Variants in LRRTM4 observed in about 807,000 individuals in gnomAD.
LRRTM4 encodes leucine-rich repeat transmembrane neuronal protein 4.
LRRTM4 carries 25 observed loss-of-function variants against 47.6 expected under a neutral mutation model. The observed-to-expected ratio is 0.53, with a 90% CI of 0.38 to 0.73. The LOEUF is 0.73. Among genes scored for constraint, LRRTM4 ranks in the 30% least tolerant of loss-of-function variants. The pLI is 0.00. For synonymous variants in LRRTM4, 311 were observed against 269.5 expected, an observed-to-expected ratio of 1.15 and a Z score of -1.51; for missense variants, 638 against 713.4, an observed-to-expected ratio of 0.89 and a Z score of 1.20.
intron 3 of LRRTM4, among the ~76,000 whole-genome samples, chr2:76,848,141 G>T (rs1671891108): frequency 6.6e-6 from 1 of 152,032 alleles, no homozygotes; most frequent in Non-Finnish European, 1.5e-5. Context: ...GAGTGAAGGG[G>T]TAGAAAACAA....
intron 3 of LRRTM4, among the ~76,000 whole-genome samples, chr2:77,328,919 G>T (rs567579609): frequency 1.0e-3 from 158 of 152,274 alleles, no homozygotes; most frequent in Non-Finnish European, 1.7e-3. Flanking sequence ...GGCAGTAATA[G>T]GCTGAATGGT....
chr2:76,752,723 T>C (rs1672894778), intron 3 of LRRTM4, among the ~76,000 whole-genome samples: 1 of 152,204 alleles, frequency 6.6e-6, no homozygotes, highest in East Asian at 1.9e-4. Context: ...ACAGTAATAG[T>C]GTACAGTACA....
Position 77,088,550 on chromosome 2 carries a change from C to T in LRRTM4, c.1552-339634G>A, listed in dbSNP as rs533226225. ...TACCTACCCAAATCCTATAAAACGG[C>T]CCCACCCCTATCTCCATTCGCTGAC... On this transcript the variant is annotated intron_variant, in intron 3 of 3. Transcript: ENST00000409884. 2.1e-3 allele frequency among the ~76,000 whole-genome samples: 320 copies of T among 151,498 alleles called. 4 individuals are homozygous for T. Among genetic ancestry groups the T allele is most frequent in the African/African-American group, 6.6e-3 (273 of 41,174 alleles).
rs527556354 is a variant in LRRTM4 at position 77,214,024 on chromosome 2, A to T, written c.1551+304294T>A. 2.0e-5 allele frequency among the ~76,000 whole-genome samples: 3 copies of T among 152,314 alleles called. No individual in the cohort carries two copies. In the East Asian group the frequency reaches 5.8e-4, roughly 29 times the overall value. On this transcript the variant is annotated intron_variant, in intron 3 of 3. Transcript: ENST00000409884. ...GAAGAAACTGAAATATTAGGGACTC[A>T]CAGTTCTCCTGTGGAATGATCAAGG...
At chr2:77,110,740 TA>T (rs1413550936) in intron 3 of LRRTM4, among the ~76,000 whole-genome samples, 2 of 152,154 alleles carry the variant, frequency 1.3e-5, no homozygotes, top group South Asian at 2.1e-4. Flanking sequence ...AAAGCATAGA[TA>T]GGTGTCTAAG....
chr2:76,784,046 A>ATT (rs1227185470), intron 3 of LRRTM4, among the ~76,000 whole-genome samples: 1 of 152,140 alleles, frequency 6.6e-6, no homozygotes, highest in Admixed American at 6.6e-5. Context: ...AACATAAATA[A>ATT]TTATTTTTGG....
At chr2:77,145,610 T>C (rs1021747780) in intron 3 of LRRTM4, among the ~76,000 whole-genome samples, 3 of 144,458 alleles carry the variant, frequency 2.1e-5, no homozygotes, top group Non-Finnish European at 4.5e-5. Flanking sequence ...CTACTAAAAA[T>C]ACAAAAAAAA....
At chr2:77,420,478 T>C (rs958766098) in intron 3 of LRRTM4, among the ~76,000 whole-genome samples, 1 of 151,990 alleles carries the variant, frequency 6.6e-6, no homozygotes, top group Non-Finnish European at 1.5e-5. Flanking sequence ...ACCACAAGTA[T>C]AAAACAAATG....
At chr2:77,206,030 C>T (rs1674115474) in intron 3 of LRRTM4, among the ~76,000 whole-genome samples, 1 of 151,918 alleles carries the variant, frequency 6.6e-6, no homozygotes, top group East Asian at 1.9e-4. Context: ...TTTGTAGAGG[C>T]AGGGTATCAC....
chr2:76,942,683 T>A (rs1675190841), intron 3 of LRRTM4, among the ~76,000 whole-genome samples: 1 of 151,444 alleles, frequency 6.6e-6, no homozygotes, highest in South Asian at 2.1e-4. Context: ...AATCTGTGTG[T>A]GTGTGTGTGT....
chr2:76,937,661 C>T lies in LRRTM4; in HGVS notation c.1552-188745G>A, dbSNP rs367873221. 9.6e-4 allele frequency among the ~76,000 whole-genome samples: 146 copies of T among 152,250 alleles called. 1 individual carries two copies. The South Asian group carries it at 0.028, about 29-fold the overall frequency. On this transcript the variant is annotated intron_variant, in intron 3 of 3. Transcript: ENST00000409884. ...CCGACTCACTGCAACCTCCGCCTCCCGTGGGCAAGCGATTCCCCTGCCTCA... is the reference window on the plus strand; with the variant it reads ...CCGACTCACTGCAACCTCCGCCTCCTGTGGGCAAGCGATTCCCCTGCCTCA...
chr2:77,197,748 G>A (rs1019200870), intron 3 of LRRTM4, among the ~76,000 whole-genome samples: 4 of 152,024 alleles, frequency 2.6e-5, no homozygotes, highest in East Asian at 1.9e-4. Context: ...ATCTTATGCC[G>A]TACCCTACTC....
chr2:77,244,346 A>G (rs1385234658), intron 3 of LRRTM4, among the ~76,000 whole-genome samples: 3 of 151,652 alleles, frequency 2.0e-5, no homozygotes, highest in African/African-American at 7.3e-5. Context: ...GAATCGCCAC[A>G]CTGACTTCCA....
At chr2:77,150,793 A>G (rs540996529) in intron 3 of LRRTM4, among the ~76,000 whole-genome samples, 1 of 152,282 alleles carries the variant, frequency 6.6e-6, no homozygotes, top group South Asian at 2.1e-4. Context: ...AATTAAAATA[A>G]TATTGCTAAT....
chr2:77,284,903 T>C (rs1676607659), intron 3 of LRRTM4, among the ~76,000 whole-genome samples: 1 of 151,982 alleles, frequency 6.6e-6, no homozygotes, highest in South Asian at 2.1e-4. Flanking sequence ...CTTAATATAC[T>C]CATCAAAGCC....
At chr2:77,248,703 G>C (rs1362173141) in intron 3 of LRRTM4, among the ~76,000 whole-genome samples, 3 of 151,964 alleles carry the variant, frequency 2.0e-5, no homozygotes, top group Admixed American at 1.3e-4. Flanking sequence ...TCGATAAATA[G>C]ACCAATGAAA....
chr2:76,860,147 A>G (rs1156454271), intron 3 of LRRTM4, among the ~76,000 whole-genome samples: 1 of 152,174 alleles, frequency 6.6e-6, no homozygotes, highest in Non-Finnish European at 1.5e-5. Context: ...AACATACAAT[A>G]TATTCTAATG....
At chr2:77,298,306 G>A (rs985436313) in intron 3 of LRRTM4, among the ~76,000 whole-genome samples, 2 of 152,058 alleles carry the variant, frequency 1.3e-5, no homozygotes, top group Admixed American at 6.5e-5. Context: ...GCACGATCTC[G>A]GCTCACTGCA....
chr2:76,994,331 AAATAC>A (rs1425432252), intron 3 of LRRTM4, among the ~76,000 whole-genome samples: 1 of 151,986 alleles, frequency 6.6e-6, no homozygotes, highest in African/African-American at 2.4e-5. Context: ...ATAAAATAAT[AAATAC>A]AATGATGGTG....
Sources: gnomAD v4.1 joint callset for allele counts (sites outside exome capture counted in the v4.1 genomes callset) on GRCh38, gnomAD v4.1.1 for gene constraint, MANE v1.5 for transcripts, NCBI Gene and HGNC (gene_info 2026-07-23, HGNC 2026-07-21) for gene names.